The following ATR variants were observed in gnomAD, a reference collection of about 807,000 sequenced individuals.
ATR encodes the protein ATR checkpoint kinase, also known as serine/threonine-protein kinase ATR.
A neutral mutation model predicts 305.3 loss-of-function variants in ATR; 142 were observed. The observed-to-expected ratio is 0.47, with a 90% CI of 0.41 to 0.53. The LOEUF is 0.53. ATR is among the 20% of genes least tolerant of loss of function. ATR has a pLI of 0.00. For synonymous variants in ATR, 1,050 were observed against 1,068.1 expected (o/e 0.98, Z 0.33); for missense variants, 2,135 against 3,133.1 (o/e 0.68, Z 7.60).
At chr3:142,460,131 A>G (rs564535335) in intron 42 of ATR, among the ~76,000 whole-genome samples, 2 of 152,254 alleles carry the variant, frequency 1.3e-5, no homozygotes, top group African/African-American at 4.8e-5. Flanking sequence ...GCAACTGTGA[A>G]CTTAGACAAG....
At chr3:142,495,138 A>C (rs1353991042) in intron 34 of ATR, among the ~76,000 whole-genome samples, 3 of 152,142 alleles carry the variant, frequency 2.0e-5, no homozygotes, top group Non-Finnish European at 2.9e-5. Flanking sequence ...GAGAGGAGAA[A>C]CAGATATTGA....
At chr3:142,538,402 C>T (rs2033931063) in intron 19 of ATR, 80 bp downstream of exon 19, 1 of 1,468,880 alleles carries the variant, frequency 6.8e-7, no homozygotes, top group African/African-American at 1.4e-5. Flanking sequence ...TGACAGTTTC[C>T]ACATTACCAT....
intron 21 of ATR, among the ~76,000 whole-genome samples, chr3:142,526,712 T>C (rs1458488660): frequency 1.3e-5 from 2 of 152,086 alleles, no homozygotes; most frequent in Non-Finnish European, 2.9e-5. Context: ...TGAATTACAT[T>C]CGTGGATTGC....
intron 1 of ATR, among the ~76,000 whole-genome samples, chr3:142,577,546 A>G (rs1410155079): frequency 6.6e-6 from 1 of 152,260 alleles, no homozygotes; most frequent in Non-Finnish European, 1.5e-5. Flanking sequence ...AGTTACGACA[A>G]GAATGGTCCC....
intron 21 of ATR, among the ~76,000 whole-genome samples, chr3:142,534,069 A>G (rs533820937): frequency 1.8e-4 from 27 of 152,278 alleles, no homozygotes; most frequent in African/African-American, 6.0e-4. Flanking sequence ...GAAAACCTCT[A>G]TGCAAAGAGG....
At chr3:142,560,934 T>C (rs972077503) in intron 5 of ATR, among the ~76,000 whole-genome samples, 1 of 152,334 alleles carries the variant, frequency 6.6e-6, no homozygotes, top group East Asian at 1.9e-4. Context: ...TTAGCCACTT[T>C]ATAAAAAATA....
At chr3:142,501,722 C>T (rs1237966065) in intron 30 of ATR, among the ~76,000 whole-genome samples, 3 of 152,138 alleles carry the variant, frequency 2.0e-5, no homozygotes, top group Admixed American at 1.3e-4. Context: ...GAGATACCAC[C>T]TCACACTAAT....
chr3:142,549,291 A>C (rs918187065), intron 15 of ATR, among the ~76,000 whole-genome samples, 188 bp downstream of exon 15: 51 of 152,182 alleles, frequency 3.4e-4, no homozygotes, highest in African/African-American at 1.2e-3. Context: ...AAATGATCAA[A>C]GAAAACAAAA....
At position 142,496,696 on chromosome 3, in the gene ATR, A is replaced by G. The variant is rs150813369; in HGVS notation, c.5739-176T>C. Among the ~76,000 whole-genome samples the G allele has an allele frequency of 5.3e-5, 8 of 152,232 alleles. No individual in the cohort carries two copies. The East Asian group carries it at 1.4e-3, about 26-fold the overall frequency. The stretch of plus-strand genomic sequence containing the variant: ...TACTATTTCAAAGGAATTAATTATT[A>G]ATTTGTTTAAAAAGCCTTGACTTAA... On this transcript the variant is annotated intron_variant, in intron 33 of 46. Transcript: ENST00000350721.
chr3:142,485,977 C>T (rs566880284), intron 35 of ATR, among the ~76,000 whole-genome samples: 51 of 152,194 alleles, frequency 3.4e-4, no homozygotes, highest in Non-Finnish European at 4.6e-4. Flanking sequence ...TTGTCCAAGT[C>T]ACTTATTTCA....
Position 142,565,733 on chromosome 3 carries a change from TAAAAAAAAAA to T in ATR, c.292+378_292+387del, listed in dbSNP as rs55690216. Among the ~76,000 whole-genome samples, 221 of 79,340 alleles carry T rather than the reference TAAAAAAAAAA, an allele frequency of 2.8e-3. 1 individual carries two copies. The highest frequency in any genetic ancestry group is 0.011 in the African/African-American group (215 of 19,180). The allele number at this position is 79,340 out of a possible 152,430, so 52.1% of individuals were successfully genotyped here. On this transcript the variant is annotated intron_variant, in intron 3 of 46. Transcript: ENST00000350721. The stretch of plus-strand genomic sequence containing the variant: ...CAACATAGCGAGACCCTGTCTTATT[TAAAAAAAAAA>T]AAAAAAAAAAAAAAAGGAAACAAAA...
At position 142,534,531 on chromosome 3, in the gene ATR, C is replaced by T. The variant is rs564450167; in HGVS notation, c.3945+549G>A. 1.4e-4 allele frequency among the ~76,000 whole-genome samples: 21 copies of T among 152,146 alleles called. No homozygotes were observed. The South Asian group carries it at 2.9e-3, about 21-fold the overall frequency. Reference sequence around the variant, plus strand: ...TCTAGATATGCAAAAATGAGTAATTCCGTTAAATTTTTTCCAATTTATTCA... The same window carrying T: ...TCTAGATATGCAAAAATGAGTAATTTCGTTAAATTTTTTCCAATTTATTCA... On this transcript the variant is annotated intron_variant, in intron 21 of 46. Coordinates refer to ENST00000350721, the MANE Select transcript of ATR (RefSeq NM_001184.4).
At chr3:142,473,706 C>G (rs2071357312) in intron 36 of ATR, among the ~76,000 whole-genome samples, 1 of 151,300 alleles carries the variant, frequency 6.6e-6, no homozygotes, top group African/African-American at 2.4e-5. Context: ...CCACCATGCC[C>G]AGCTAATTTT....
At chr3:142,564,285 A>G (rs1404871498) in intron 3 of ATR, among the ~76,000 whole-genome samples, 1 of 152,162 alleles carries the variant, frequency 6.6e-6, no homozygotes, top group Non-Finnish European at 1.5e-5. Context: ...TGAACCCACA[A>G]TATTTCTGAG....
Position 142,458,991 on chromosome 3 carries a change from G to A in ATR, c.7470C>T (p.Cys2490=), listed in dbSNP as rs574699024. Reference sequence around the variant, plus strand: ...AAAGACAATTGAAATCTACATGTACGCATTCACCAGTCAAAGAATCAAAGA... The same window carrying A: ...AAAGACAATTGAAATCTACATGTACACATTCACCAGTCAAAGAATCAAAGA... The part of the protein sequence containing the change: ...NILFDSLTGE[C]VHVDFNCLFN... The change falls in exon 44 of 47, where the codon TGC becomes TGT. Residue 2490 remains cysteine (C), a synonymous_variant. Coordinates refer to ENST00000350721, the MANE Select transcript of ATR (RefSeq NM_001184.4). 8 of 1,613,584 alleles carry A rather than the reference G, an allele frequency of 5.0e-6. No individual in the cohort carries two copies. Among genetic ancestry groups the A allele is most frequent in the Non-Finnish European group, 6.8e-6 (8 of 1,179,696 alleles).
chr3:142,472,877 C>T (rs1184918524), intron 36 of ATR, among the ~76,000 whole-genome samples: 1 of 152,054 alleles, frequency 6.6e-6, no homozygotes, highest in South Asian at 2.1e-4. Context: ...TGGGCTCAAA[C>T]GATCCATCTG....
At chr3:142,513,697 G>T (rs770413482) in intron 25 of ATR, 59 bp from the exon 26 acceptor site, 61 of 1,528,038 alleles carry the variant, frequency 4.0e-5, no homozygotes, top group Non-Finnish European at 5.2e-5. Flanking sequence ...AAATGTCAAA[G>T]AGTAGCATGT....
intron 42 of ATR, among the ~76,000 whole-genome samples, chr3:142,459,871 G>A (rs1328832713): frequency 1.3e-5 from 2 of 151,958 alleles, no homozygotes; most frequent in Non-Finnish European, 1.5e-5. Context: ...AACCAGTGTT[G>A]TGAAATCAAA....
intron 46 of ATR, chr3:142,450,328 G>T: frequency 1.7e-6 from 2 of 1,153,660 alleles, no homozygotes; most frequent in South Asian, 1.3e-5. Context: ...TGAGCCATGT[G>T]CGTGAACCAA....
Sources: allele counts gnomAD v4.1 joint callset (sites outside exome capture counted in the v4.1 genomes callset), GRCh38; gene constraint gnomAD v4.1.1; transcripts MANE v1.5; gene names NCBI Gene and HGNC (gene_info 2026-07-23, HGNC 2026-07-21).